Variants in PCDH15 observed in about 807,000 individuals in gnomAD.
The protein encoded by PCDH15 is protocadherin related 15, also known as protocadherin-15.
A neutral mutation model predicts 178.5 loss-of-function variants in PCDH15; 129 were observed. That is an observed-to-expected ratio of 0.72 (90% CI 0.63 to 0.84). The LOEUF (loss-of-function observed/expected upper bound fraction) is 0.84. Ranked by LOEUF, PCDH15 falls within the 40% of genes least tolerant of loss-of-function variation. The pLI, the probability that PCDH15 is intolerant of heterozygous loss-of-function variation, is 0.00. For synonymous variants in PCDH15, 800 were observed against 732.0 expected (o/e 1.09, Z -1.50); for missense variants, 2,230 against 2,099.9 (o/e 1.06, Z -1.21).
At chr10:54,947,041 CTGAG>C (rs1208981574) in intron 2 of PCDH15, among the ~76,000 whole-genome samples, 2 of 151,810 alleles carry the variant, frequency 1.3e-5, no homozygotes, top group Admixed American at 1.3e-4. Context: ...TCCTTGTGGA[CTGAG>C]TAATTTAAAA....
chr10:54,432,287 CA>C lies in PCDH15; in HGVS notation c.158-53346del, dbSNP rs35612465. On this transcript the variant is annotated intron_variant, in intron 3 of 37. Coordinates refer to ENST00000644397, the MANE Select transcript of PCDH15 (RefSeq NM_001384140.1). ...GCTATCAAAAAAAGAAACAAACAAA[CA>C]AAAAAAACCTGGAGAAATCACATTA... Among the ~76,000 whole-genome samples, 736 of 151,250 alleles carry C rather than the reference CA, an allele frequency of 4.9e-3. 8 individuals carry two copies. The highest frequency in any genetic ancestry group is 0.017 in the African/African-American group (684 of 41,262).
At chr10:55,313,027 T>G (rs1466829952) in intron 1 of PCDH15, among the ~76,000 whole-genome samples, 2 of 152,198 alleles carry the variant, frequency 1.3e-5, no homozygotes, top group East Asian at 3.9e-4. Context: ...TATCACTATT[T>G]GTGAACTAAA....
intron 3 of PCDH15, among the ~76,000 whole-genome samples, chr10:54,521,454 A>G (rs1456870641): frequency 6.6e-6 from 1 of 152,200 alleles, no homozygotes; most frequent in East Asian, 1.9e-4. Context: ...TTTCACCAAA[A>G]TATATTCAAT....
chr10:55,142,655 TA>T (rs1838387742), intron 2 of PCDH15, among the ~76,000 whole-genome samples: 1 of 113,340 alleles, frequency 8.8e-6, no homozygotes, highest in African/African-American at 3.1e-5. Context: ...GATATATCTC[TA>T]AAAAGATGGA....
intron 8 of PCDH15, among the ~76,000 whole-genome samples, chr10:54,257,403 C>CTTTTTTTTT (rs71461225): frequency 1.4e-4 from 18 of 126,014 alleles, no homozygotes; most frequent in Non-Finnish European, 2.5e-4. Context: ...GAATTGTCTT[C>CTTTTTTTTT]TTTTTTTTTT....
chr10:54,999,600 G>A lies in PCDH15; in HGVS notation c.-79-102100C>T, dbSNP rs374091695. Among the ~76,000 whole-genome samples, 19 of 152,258 alleles carry A rather than the reference G, an allele frequency of 1.2e-4. No individual in the cohort carries two copies. In the East Asian group the frequency reaches 1.4e-3, roughly 11 times the overall value. On this transcript the variant is annotated intron_variant, in intron 2 of 5. Coordinates refer to the PCDH15 transcript ENST00000458638. ...TGGCTTCAGTGTGGGAGGTGCAGCT[G>A]GTGCTGCGTGCTTCAGAGATGGTGG... is the stretch of plus-strand genomic sequence containing the variant.
At chr10:53,881,147 T>C (rs923041542) in intron 26 of PCDH15, among the ~76,000 whole-genome samples, 1 of 152,160 alleles carries the variant, frequency 6.6e-6, no homozygotes, top group Non-Finnish European at 1.5e-5. Flanking sequence ...CCAGTAAAAT[T>C]TCAGTGAAAT....
intron 20 of PCDH15, among the ~76,000 whole-genome samples, chr10:54,019,237 A>T (rs2092835888): frequency 1.3e-5 from 2 of 152,132 alleles, no homozygotes; most frequent in South Asian, 4.1e-4. Flanking sequence ...CATGATAGTG[A>T]ATGAACTTTT....
chr10:54,555,391 C>G (rs1017903345), intron 2 of PCDH15, among the ~76,000 whole-genome samples: 6 of 152,032 alleles, frequency 3.9e-5, no homozygotes, highest in African/African-American at 1.4e-4. Flanking sequence ...AACAGAATTG[C>G]TAATTTAAGT....
In PCDH15 at chr10:54,163,180, A is replaced by G. The variant is rs11004110; in HGVS notation, c.1591-9887T>C. Among the ~76,000 whole-genome samples, 221 of 152,264 alleles carry G rather than the reference A, an allele frequency of 1.5e-3. 1 individual carries two copies. The highest frequency in any genetic ancestry group is 2.6e-3 in the Non-Finnish European group (175 of 68,020). ...GAAACAATACTTCTGTATGCACACA[A>G]TATACTTGAATCGTATTCATATCAT... On this transcript the variant is annotated intron_variant, in intron 13 of 37. Coordinates refer to ENST00000644397, the MANE Select transcript of PCDH15 (RefSeq NM_001384140.1).
At chr10:53,831,276 CT>C (rs1280929947) in intron 30 of PCDH15, 38 bp downstream of exon 30, 1 of 1,589,056 alleles carries the variant, frequency 6.3e-7, no homozygotes, top group Non-Finnish European at 8.6e-7. Flanking sequence ...GCAATGACTT[CT>C]GAGGAACTAT....
intron 25 of PCDH15, among the ~76,000 whole-genome samples, chr10:53,936,497 G>T (rs528885296): frequency 1.3e-5 from 2 of 152,116 alleles, no homozygotes; most frequent in Admixed American, 6.6e-5. Flanking sequence ...TATTTCCCAG[G>T]GCGTGATTAT....
chr10:54,167,669 C>T (rs1426359254), intron 13 of PCDH15, among the ~76,000 whole-genome samples: 1 of 151,674 alleles, frequency 6.6e-6, no homozygotes, highest in Non-Finnish European at 1.5e-5. Context: ...ACCCCTCAAC[C>T]CCTCCTCTTT....
chr10:54,533,221 A>G (rs946495451), intron 2 of PCDH15, among the ~76,000 whole-genome samples: 4 of 152,204 alleles, frequency 2.6e-5, no homozygotes, highest in Non-Finnish European at 4.4e-5. Context: ...CTAAAATAAA[A>G]TTGGTTTCAT....
At chr10:54,461,864 G>A (rs1411592912) in intron 3 of PCDH15, among the ~76,000 whole-genome samples, 1 of 151,598 alleles carries the variant, frequency 6.6e-6, no homozygotes, top group Non-Finnish European at 1.5e-5. Flanking sequence ...CTTATGATAA[G>A]GATTTAATAT....
chr10:54,849,264 T>G (rs1365382658), intron 3 of PCDH15, among the ~76,000 whole-genome samples: 3 of 152,294 alleles, frequency 2.0e-5, no homozygotes, highest in African/African-American at 7.2e-5. Flanking sequence ...TCACAAAACC[T>G]TTCTGTGTCT....
chr10:54,415,988 G>T (rs2135722125), intron 3 of PCDH15, among the ~76,000 whole-genome samples: 1 of 151,964 alleles, frequency 6.6e-6, no homozygotes, highest in South Asian at 2.1e-4. Flanking sequence ...TTTAAAGACA[G>T]GTTCTCACTT....
intron 3 of PCDH15, among the ~76,000 whole-genome samples, chr10:54,844,218 C>T (rs1457346011): frequency 6.6e-6 from 1 of 151,908 alleles, no homozygotes; most frequent in Non-Finnish European, 1.5e-5. Flanking sequence ...GTAATACTTT[C>T]ACAAATCTTA....
intron 25 of PCDH15, among the ~76,000 whole-genome samples, chr10:53,914,047 A>G (rs916940152): frequency 2.0e-5 from 3 of 152,214 alleles, no homozygotes; most frequent in African/African-American, 7.2e-5. Flanking sequence ...AGAAATGCAA[A>G]TCAAAACCAC....
Sources: gnomAD v4.1 joint callset for allele counts (sites outside exome capture counted in the v4.1 genomes callset) on GRCh38, gnomAD v4.1.1 for gene constraint, MANE v1.5 for transcripts, NCBI Gene and HGNC (gene_info 2026-07-23, HGNC 2026-07-21) for gene names.